The following TBC1D1 variants were observed in gnomAD, a reference collection of about 807,000 sequenced individuals.
TBC1D1 encodes the protein TBC1 (tre-2/USP6, BUB2, cdc16) domain family, member 1.
In TBC1D1, 89 loss-of-function variants were observed where a neutral mutation model predicts 125.6. The observed-to-expected ratio is 0.71, with a 90% CI of 0.60 to 0.85. The LOEUF (loss-of-function observed/expected upper bound fraction) is 0.85. Ranked by LOEUF, TBC1D1 falls within the 40% of genes least tolerant of loss-of-function variation. The pLI, the probability that TBC1D1 is intolerant of heterozygous loss-of-function variation, is 0.00. For synonymous variants in TBC1D1, 565 were observed against 564.1 expected, an observed-to-expected ratio of 1.00 and a Z score of -0.02; for missense variants, 1,377 against 1,469.2, an observed-to-expected ratio of 0.94 and a Z score of 1.03.
Position 38,040,649 on chromosome 4 carries a change from A to C in TBC1D1, c.1414-3713A>C, listed in dbSNP as rs569714530. Among the ~76,000 whole-genome samples, 34 of 152,328 alleles carry C rather than the reference A, an allele frequency of 2.2e-4. 1 individual carries two copies. Among genetic ancestry groups the C allele is most frequent in the Admixed American group, 2.2e-3 (34 of 15,302 alleles). ...TCACTTTTATGAAAGCTTTATTATG[A>C]GTTTGAAAGCAATTCTGCATTTTCT... On this transcript the variant is annotated intron_variant, in intron 8 of 19. Transcript: ENST00000261439.
At chr4:38,013,951 A>T (rs537443934) in intron 2 of TBC1D1, among the ~76,000 whole-genome samples, 1 of 152,330 alleles carries the variant, frequency 6.6e-6, no homozygotes, top group South Asian at 2.1e-4. Flanking sequence ...GAAGGAAATA[A>T]TGGTGCTGGG....
At chr4:38,052,703 TACACACACACGCGCGCGCGCGCGCGCAC>T (rs1343363855) in intron 11 of TBC1D1, among the ~76,000 whole-genome samples, 19 of 128,316 alleles carry the variant, frequency 1.5e-4, no homozygotes, top group African/African-American at 4.5e-4. Flanking sequence ...CATGCGTATA[TACACACACACGCGCGCGCGCGCGCGCAC>T]ACACACACAC....
At chr4:37,953,554 A>G (rs754036001) in intron 2 of TBC1D1, among the ~76,000 whole-genome samples, 1 of 152,248 alleles carries the variant, frequency 6.6e-6, no homozygotes, top group Non-Finnish European at 1.5e-5. Context: ...CATTTTGTCT[A>G]TTAAATATGT....
chr4:38,047,533 G>A (rs901232161), intron 10 of TBC1D1, among the ~76,000 whole-genome samples: 1 of 152,178 alleles, frequency 6.6e-6, no homozygotes, highest in African/African-American at 2.4e-5. Flanking sequence ...GCAATTCATT[G>A]CAAGTGTGGG....
chr4:38,006,783 A>T lies in TBC1D1; in HGVS notation c.418-7726A>T, dbSNP rs1370772247. 4 of 494,490 alleles carry T rather than the reference A, an allele frequency of 8.1e-6. No individual in the cohort carries two copies. The East Asian group carries it at 2.3e-4, about 28-fold the overall frequency. The allele number at this position is 494,490 out of a possible 1,614,324, so 30.6% of individuals were successfully genotyped here. ...CGTGAGCCACTGCGCCTGGCCCAAC[A>T]CTATTTCTTTTATGCTGCTCTTTTC... On this transcript the variant is annotated intron_variant, in intron 2 of 19. Coordinates refer to ENST00000261439, the MANE Select transcript of TBC1D1 (RefSeq NM_015173.4).
intron 2 of TBC1D1, among the ~76,000 whole-genome samples, chr4:37,947,259 C>T (rs1382257653): frequency 6.6e-6 from 1 of 152,136 alleles, no homozygotes; most frequent in African/African-American, 2.4e-5. Flanking sequence ...TGGGTTCAAG[C>T]GATTCTCCTG....
chr4:37,923,271 A>G (rs1033623294), intron 2 of TBC1D1, among the ~76,000 whole-genome samples: 7 of 152,070 alleles, frequency 4.6e-5, no homozygotes, highest in Non-Finnish European at 1.0e-4. Flanking sequence ...AGGTCCCTGC[A>G]AAGGACATGA....
rs571772777 is a variant in TBC1D1, at chr4:38,057,378, G to C, written c.2050+3040G>C. Among the ~76,000 whole-genome samples the C allele has an allele frequency of 4.6e-5, 7 of 152,204 alleles. No individual in the cohort carries two copies. The East Asian group carries it at 9.7e-4, about 21-fold the overall frequency. On this transcript the variant is annotated intron_variant, in intron 12 of 19. Coordinates refer to ENST00000261439, the MANE Select transcript of TBC1D1 (RefSeq NM_015173.4). ...ACTCTCCCATAGCAGCTCTCTCCCTGTAACACATGTTCACAGGTTCATCTT... is the reference window on the plus strand; with the variant it reads ...ACTCTCCCATAGCAGCTCTCTCCCTCTAACACATGTTCACAGGTTCATCTT...
chr4:38,037,467 T>C (rs953397627), intron 8 of TBC1D1, among the ~76,000 whole-genome samples: 6 of 152,046 alleles, frequency 3.9e-5, no homozygotes, highest in African/African-American at 2.4e-5. Flanking sequence ...CTGGACACTC[T>C]CATGGGCTCT....
intron 2 of TBC1D1, among the ~76,000 whole-genome samples, chr4:37,992,526 G>T (rs867648559): frequency 1.2e-4 from 17 of 137,192 alleles, no homozygotes; most frequent in Middle Eastern, 4.3e-3. Flanking sequence ...ACGGAGTCTC[G>T]CTCTATCACC....
intron 11 of TBC1D1, 40 bp downstream of exon 11, chr4:38,049,938 A>C (rs1344608243): frequency 1.3e-6 from 2 of 1,579,498 alleles, no homozygotes; most frequent in Admixed American, 3.5e-5. Flanking sequence ...TAGCTGGGGC[A>C]TATCTGTGAC....
At chr4:38,029,066 T>G (rs1745635698) in intron 7 of TBC1D1, among the ~76,000 whole-genome samples, 1 of 152,224 alleles carries the variant, frequency 6.6e-6, no homozygotes, top group South Asian at 2.1e-4. Context: ...CTGGCATGCC[T>G]GTAGCCTGTT....
At chr4:38,074,826 A>G (rs1012188491) in intron 12 of TBC1D1, among the ~76,000 whole-genome samples, 1 of 151,416 alleles carries the variant, frequency 6.6e-6, no homozygotes, top group African/African-American at 2.4e-5. Flanking sequence ...CAGTGGCCCA[A>G]TCTTGGCTCG....
chr4:37,971,072 G>A (rs2152344975), intron 2 of TBC1D1, among the ~76,000 whole-genome samples: 1 of 152,276 alleles, frequency 6.6e-6, no homozygotes, highest in African/African-American at 2.4e-5. Context: ...GTCAGGGTTT[G>A]TTTTGGTGGG....
At chr4:38,102,446 A>T (rs1437398182) in intron 14 of TBC1D1, among the ~76,000 whole-genome samples, 1 of 152,066 alleles carries the variant, frequency 6.6e-6, no homozygotes, top group Non-Finnish European at 1.5e-5. Context: ...GGGTCAGAAC[A>T]TGATAACACA....
intron 2 of TBC1D1, among the ~76,000 whole-genome samples, chr4:37,937,908 T>C (rs1371353151): frequency 6.6e-6 from 1 of 152,210 alleles, no homozygotes; most frequent in Non-Finnish European, 1.5e-5. Context: ...TATTACTGGG[T>C]ATTTCTTGCT....
intron 2 of TBC1D1, among the ~76,000 whole-genome samples, chr4:37,910,300 T>C (rs1718307235): frequency 6.6e-6 from 1 of 152,188 alleles, no homozygotes; most frequent in African/African-American, 2.4e-5. Context: ...CGTACAGTAA[T>C]CAGTAGTCAT....
rs776941680 is a variant in TBC1D1, at chr4:38,039,104, C to CTTTTTTTTTTTTT, written c.1413+3425_1413+3437dup. Among the ~76,000 whole-genome samples, 47 of 51,584 alleles carry CTTTTTTTTTTTTT rather than the reference C, an allele frequency of 9.1e-4. 16 individuals carry two copies. Among genetic ancestry groups the CTTTTTTTTTTTTT allele is most frequent in the East Asian group, 1.5e-3 (2 of 1,350 alleles). 33.8% of individuals were successfully genotyped at this position (51,584 alleles called of 152,430 possible). ...AATTTCTTATAAATGGCATCATACT[C>CTTTTTTTTTTTTT]TTTTTTTTTTTTTTTTTTTTTTTTT... On this transcript the variant is annotated intron_variant, in intron 8 of 19. Coordinates refer to ENST00000261439, the MANE Select transcript of TBC1D1 (RefSeq NM_015173.4).
chr4:37,939,174 C>T (rs10003312), intron 2 of TBC1D1, among the ~76,000 whole-genome samples: 24,771 of 152,216 alleles, frequency 0.16, 2,601 homozygotes, highest in East Asian at 0.6. Context: ...TCTCCACATC[C>T]TCTCCAGCAC....
Sources: allele counts gnomAD v4.1 joint callset (sites outside exome capture counted in the v4.1 genomes callset), GRCh38; gene constraint gnomAD v4.1.1; transcripts MANE v1.5; gene names NCBI Gene and HGNC (gene_info 2026-07-23, HGNC 2026-07-21).